Variants in SMYD3 observed in about 807,000 individuals in gnomAD.
SMYD3 encodes SET and MYND domain containing 3, also known as histone-lysine N-methyltransferase SMYD3.
Under a neutral mutation model 57.7 loss-of-function variants are expected in SMYD3, and 36 were observed. The ratio of observed to expected loss-of-function variants is 0.62; its 90% CI spans 0.48 to 0.82. SMYD3 has a LOEUF of 0.82. Ranked by LOEUF, SMYD3 falls within the 40% of genes least tolerant of loss-of-function variation. The pLI, the probability that SMYD3 is intolerant of heterozygous loss-of-function variation, is 0.00. For synonymous variants in SMYD3, 211 were observed against 195.0 expected (o/e 1.08, Z -0.68); for missense variants, 515 against 538.8 (o/e 0.96, Z 0.44).
At chr1:246,371,351 A>C (rs2066189001) in intron 1 of SMYD3, among the ~76,000 whole-genome samples, 2 of 152,182 alleles carry the variant, frequency 1.3e-5, no homozygotes, top group Non-Finnish European at 2.9e-5. Flanking sequence ...TGAACTGCAG[A>C]AAAGGAAGTT....
intron 5 of SMYD3, among the ~76,000 whole-genome samples, chr1:245,935,678 A>C (rs2056953307): frequency 6.6e-6 from 1 of 152,230 alleles, no homozygotes. Flanking sequence ...TAGTATAGAT[A>C]CACAAATGGA....
chr1:246,323,441 C>T (rs1385561194), intron 5 of SMYD3, among the ~76,000 whole-genome samples: 3 of 152,070 alleles, frequency 2.0e-5, no homozygotes, highest in South Asian at 2.1e-4. Context: ...GAACCCGGTC[C>T]GACAGGAAAG....
chr1:246,496,139 C>T (rs1299775393), intron 1 of SMYD3, among the ~76,000 whole-genome samples: 1 of 151,842 alleles, frequency 6.6e-6, no homozygotes. Flanking sequence ...CGGGTTCAAG[C>T]GATTCTCCTG....
intron 1 of SMYD3, among the ~76,000 whole-genome samples, chr1:246,412,147 A>G (rs982139957): frequency 1.3e-5 from 2 of 152,134 alleles, no homozygotes; most frequent in South Asian, 4.2e-4. Context: ...ATCATCTCAA[A>G]CCTCTCAGCA....
chr1:245,813,660 A>T (rs2148299967), intron 10 of SMYD3, among the ~76,000 whole-genome samples: 1 of 152,336 alleles, frequency 6.6e-6, no homozygotes, highest in South Asian at 2.1e-4. Flanking sequence ...GCTGCATGTC[A>T]AAGGGTTTAC....
chr1:246,327,200 C>G lies in SMYD3; in HGVS notation c.531+1G>C. The G allele has an allele frequency of 1.2e-6, 2 of 1,614,002 alleles. No homozygotes were observed. Among genetic ancestry groups the G allele is most frequent in the Non-Finnish European group, 1.7e-6 (2 of 1,179,972 alleles). ...TAGCAAAGAGCAAACTTAACACTTA[C>G]TTTTGCAAAGGCTTCAAAAAGGTCA... On this transcript the variant is annotated splice_donor_variant, in intron 5 of 11. Coordinates refer to ENST00000490107, the MANE Select transcript of SMYD3 (RefSeq NM_001167740.2). LOFTEE classifies it high-confidence loss of function.
At chr1:246,186,948 G>A (rs1263139757) in intron 5 of SMYD3, 1 of 984,530 alleles carries the variant, frequency 1.0e-6, no homozygotes, top group Non-Finnish European at 1.2e-6. Flanking sequence ...TGTGACTGAA[G>A]AGATGAAATG....
Position 246,183,451 on chromosome 1 carries a change from A to C in SMYD3, c.531+143750T>G, listed in dbSNP as rs111913767. ...AAGCAAACAATGTCCAAGCTACATC[A>C]CTTAAATACTGTCAGAACAAGGTTA... On this transcript the variant is annotated intron_variant, in intron 5 of 11. Transcript: ENST00000490107. Among the ~76,000 whole-genome samples, 234 of 151,982 alleles carry C rather than the reference A, an allele frequency of 1.5e-3. 1 individual carries two copies. The highest frequency in any genetic ancestry group is 5.4e-3 in the African/African-American group (222 of 41,426).
At position 245,809,261 on chromosome 1, in the gene SMYD3, A is replaced by G. The variant is rs559552070; in HGVS notation, c.1077-45112T>C. Among the ~76,000 whole-genome samples the G allele has an allele frequency of 5.9e-5, 9 of 152,336 alleles. No individual in the cohort carries two copies. In the South Asian group the frequency reaches 1.7e-3, roughly 28 times the overall value. On this transcript the variant is annotated intron_variant, in intron 10 of 11. Transcript: ENST00000490107. The stretch of plus-strand genomic sequence containing the variant: ...AAGAGAAGAAAAAACCTGCAGAACC[A>G]TCTGCCACTTTTCTCTTCTCCAACT...
At chr1:246,076,730 C>A (rs2060555836) in intron 5 of SMYD3, among the ~76,000 whole-genome samples, 3 of 146,588 alleles carry the variant, frequency 2.0e-5, no homozygotes, top group African/African-American at 2.6e-5. Context: ...AGATAGAAAA[C>A]AGAACAAAAA....
chr1:245,864,016 G>A (rs2051693981), intron 8 of SMYD3, 130 bp from the exon 9 acceptor site: 2 of 767,512 alleles, frequency 2.6e-6, no homozygotes. Flanking sequence ...TTTATCATCA[G>A]GGAAATATAT....
At chr1:245,935,780 G>A (rs1418750354) in intron 5 of SMYD3, among the ~76,000 whole-genome samples, 1 of 152,086 alleles carries the variant, frequency 6.6e-6, no homozygotes, top group Non-Finnish European at 1.5e-5. Flanking sequence ...ACTAAGCCAG[G>A]TACAAAAAGA....
chr1:245,973,016 G>C (rs1445690859), intron 5 of SMYD3, among the ~76,000 whole-genome samples: 2 of 152,120 alleles, frequency 1.3e-5, no homozygotes, highest in African/African-American at 4.8e-5. Flanking sequence ...TGATGTCATT[G>C]CTGCTGCTGT....
At chr1:245,982,670 A>G (rs2058622628) in intron 5 of SMYD3, among the ~76,000 whole-genome samples, 1 of 152,248 alleles carries the variant, frequency 6.6e-6, no homozygotes, top group Non-Finnish European at 1.5e-5. Context: ...TAATAAAATC[A>G]AGGAACTACG....
At chr1:245,874,056 G>T (rs962794173) in intron 8 of SMYD3, among the ~76,000 whole-genome samples, 2 of 152,186 alleles carry the variant, frequency 1.3e-5, no homozygotes, top group African/African-American at 4.8e-5. Flanking sequence ...AAGGTTGCTG[G>T]GGTTTGTGAT....
chr1:245,960,617 C>T (rs2057975415), intron 5 of SMYD3, among the ~76,000 whole-genome samples: 2 of 152,090 alleles, frequency 1.3e-5, no homozygotes, highest in Non-Finnish European at 2.9e-5. Context: ...GTCCCAGCTA[C>T]TGAGGAGGCT....
chr1:246,339,294 G>A (rs1246722204), intron 2 of SMYD3, among the ~76,000 whole-genome samples: 2 of 152,066 alleles, frequency 1.3e-5, no homozygotes, highest in African/African-American at 4.8e-5. Context: ...GACTAATGAT[G>A]TCTTCCAGTC....
chr1:246,082,444 C>T lies in SMYD3; in HGVS notation c.532-152507G>A, dbSNP rs530808643. On this transcript the variant is annotated intron_variant, in intron 5 of 11. Transcript: ENST00000490107. ...ATGACTCAGTTGGTCCCATGGCCCC[C>T]GCCCAGAGGCATACTCAGCATAGCA... Among the ~76,000 whole-genome samples, 7 of 152,278 alleles carry T rather than the reference C, an allele frequency of 4.6e-5. No homozygotes were observed. In the East Asian group the frequency reaches 7.7e-4, roughly 17 times the overall value.
intron 5 of SMYD3, among the ~76,000 whole-genome samples, chr1:246,225,741 C>G (rs1230302788): frequency 1.3e-5 from 2 of 152,220 alleles, no homozygotes; most frequent in African/African-American, 4.8e-5. Flanking sequence ...GACCTAGTAT[C>G]TCTTTTGTTC....
Sources: allele counts gnomAD v4.1 joint callset (sites outside exome capture counted in the v4.1 genomes callset), GRCh38; gene constraint gnomAD v4.1.1; transcripts MANE v1.5; gene names NCBI Gene and HGNC (gene_info 2026-07-23, HGNC 2026-07-21).